The following TRIM24 variants were observed in gnomAD, a reference collection of about 807,000 sequenced individuals.
TRIM24 encodes transcription intermediary factor 1-alpha.
TRIM24 carries 29 observed loss-of-function variants against 123.9 expected under a neutral mutation model. That is an observed-to-expected ratio of 0.23 (90% CI 0.17 to 0.32). The LOEUF (loss-of-function observed/expected upper bound fraction) is 0.32. Among genes scored for constraint, TRIM24 ranks in the 10% least tolerant of loss-of-function variants. TRIM24 has a pLI of 1.00. For synonymous variants in TRIM24, 456 were observed against 461.1 expected (o/e 0.99, Z 0.14); for missense variants, 932 against 1,295.3 (o/e 0.72, Z 4.31).
chr7:138,533,789 G>A (rs781197871), intron 6 of TRIM24, among the ~76,000 whole-genome samples: 3 of 152,166 alleles, frequency 2.0e-5, no homozygotes. Context: ...CAGAAGGAAT[G>A]GTACCAGCTC....
At chr7:138,528,622 C>A (rs1796661661) in intron 5 of TRIM24, among the ~76,000 whole-genome samples, 1 of 151,876 alleles carries the variant, frequency 6.6e-6, no homozygotes, top group Non-Finnish European at 1.5e-5. Context: ...TAGCAAACTA[C>A]TATTTTTGTC....
intron 6 of TRIM24, among the ~76,000 whole-genome samples, chr7:138,532,451 A>G (rs1376004831): frequency 1.3e-5 from 2 of 152,182 alleles, no homozygotes; most frequent in African/African-American, 2.4e-5. Context: ...CAGTTTTCCC[A>G]GCACCATTTA....
intron 1 of TRIM24, among the ~76,000 whole-genome samples, chr7:138,497,389 A>ATTTTTT (rs1795933184): frequency 3.2e-5 from 4 of 123,846 alleles, no homozygotes; most frequent in African/African-American, 1.3e-4. Context: ...TTCAATTACA[A>ATTTTTT]TTTCTTTTTT....
intron 7 of TRIM24, among the ~76,000 whole-genome samples, chr7:138,540,053 G>A (rs998800821): frequency 2.6e-5 from 4 of 152,068 alleles, no homozygotes; most frequent in Admixed American, 6.5e-5. Context: ...ACCCGCCTTC[G>A]CCTCCCAAAG....
intron 6 of TRIM24, among the ~76,000 whole-genome samples, chr7:138,537,172 C>T (rs1034388144): frequency 7.2e-5 from 11 of 152,234 alleles, no homozygotes; most frequent in Non-Finnish European, 7.4e-5. Flanking sequence ...CCGGGTGAGG[C>T]GATACCTTGC....
intron 1 of TRIM24, among the ~76,000 whole-genome samples, chr7:138,486,762 A>G (rs1056900920): frequency 2.6e-5 from 4 of 152,192 alleles, no homozygotes; most frequent in Non-Finnish European, 5.9e-5. Flanking sequence ...CTTTGAAGTC[A>G]GGTAGCATGA....
At chr7:138,570,290 C>A (rs1202996239) in intron 10 of TRIM24, among the ~76,000 whole-genome samples, 2 of 152,102 alleles carry the variant, frequency 1.3e-5, no homozygotes, top group Non-Finnish European at 2.9e-5. Flanking sequence ...CAGACAGCAG[C>A]ATGCTTCACC....
At position 138,588,852 on chromosome 7, in the gene TRIM24, A is replaced by ACCCGCCACC. The variant is rs1798060444; in HGVS notation, c.*3901_*3902insCCCGCCACC. 3 of 151,640 alleles carry ACCCGCCACC rather than the reference A, an allele frequency of 2.0e-5. No homozygotes were observed. Among genetic ancestry groups the ACCCGCCACC allele is most frequent in the African/African-American group, 7.3e-5 (3 of 41,192 alleles). The allele number at this position is 151,640 out of a possible 1,614,324, so 9.4% of individuals were successfully genotyped here. A position where few individuals can be genotyped will look rare whatever the true frequency, so the allele number is the denominator to read the frequency against. ...AAACCCCACCTCAACAGAATATACA[A>ACCCGCCACC]AAAAATTAGCTGGGTGTGGTGGCGG... On this transcript the variant is annotated 3_prime_UTR_variant, in exon 19 of 19. Transcript: ENST00000343526.
intron 6 of TRIM24, among the ~76,000 whole-genome samples, chr7:138,534,160 C>A (rs1017074221): frequency 6.6e-6 from 1 of 152,110 alleles, no homozygotes; most frequent in Non-Finnish European, 1.5e-5. Context: ...TTCAAAAAAA[C>A]CAGCTCCTGG....
intron 1 of TRIM24, among the ~76,000 whole-genome samples, chr7:138,498,007 T>A (rs951601334): frequency 6.6e-6 from 1 of 151,128 alleles, no homozygotes; most frequent in Non-Finnish European, 1.5e-5. Context: ...GTGGTTTTTT[T>A]ATTTTTATTT....
chr7:138,510,961 CTATT>C (rs1229390241), intron 2 of TRIM24, among the ~76,000 whole-genome samples: 3 of 152,324 alleles, frequency 2.0e-5, no homozygotes, highest in East Asian at 3.9e-4. Flanking sequence ...TCATAGGTAA[CTATT>C]TAATGTCCTT....
At chr7:138,509,969 G>C (rs1796251518) in intron 2 of TRIM24, among the ~76,000 whole-genome samples, 1 of 152,194 alleles carries the variant, frequency 6.6e-6, no homozygotes, top group South Asian at 2.1e-4. Flanking sequence ...TCAGGCTTCT[G>C]ACGGGCAGAA....
At chr7:138,475,500 A>G (rs950968363) in intron 1 of TRIM24, among the ~76,000 whole-genome samples, 1 of 152,158 alleles carries the variant, frequency 6.6e-6, no homozygotes, top group South Asian at 2.1e-4. Flanking sequence ...AACATAGCAA[A>G]ATCCAACTCT....
chr7:138,565,122 C>T (rs967549106), intron 9 of TRIM24, among the ~76,000 whole-genome samples: 15 of 152,100 alleles, frequency 9.9e-5, no homozygotes, highest in Non-Finnish European at 1.6e-4. Flanking sequence ...ACTGCGGCCC[C>T]CACACATCAC....
intron 15 of TRIM24, 102 bp downstream of exon 15, chr7:138,579,634 C>A: frequency 1.1e-6 from 1 of 906,006 alleles, no homozygotes; most frequent in Non-Finnish European, 1.7e-6. Flanking sequence ...CCACTTGGCA[C>A]AAGTGTATAC....
chr7:138,500,162 CTG>C (rs1796004923), intron 1 of TRIM24, among the ~76,000 whole-genome samples: 1 of 152,098 alleles, frequency 6.6e-6, no homozygotes, highest in African/African-American at 2.4e-5. Context: ...AACATAAGCC[CTG>C]CATTATGCTT....
chr7:138,471,896 A>G (rs953707519), intron 1 of TRIM24, among the ~76,000 whole-genome samples: 4 of 152,186 alleles, frequency 2.6e-5, no homozygotes, highest in African/African-American at 9.6e-5. Flanking sequence ...AATCCTGACT[A>G]CCAGAAGATC....
chr7:138,557,969 T>C (rs1797350134), intron 9 of TRIM24, among the ~76,000 whole-genome samples: 1 of 152,236 alleles, frequency 6.6e-6, no homozygotes, highest in African/African-American at 2.4e-5. Flanking sequence ...TCATCATCTT[T>C]CTAATTCCTA....
At chr7:138,523,945 A>C (rs1182269725) in intron 4 of TRIM24, among the ~76,000 whole-genome samples, 1 of 152,146 alleles carries the variant, frequency 6.6e-6, no homozygotes, top group African/African-American at 2.4e-5. Context: ...ACGGAAAATA[A>C]GTAGGAAACA....
Sources: allele counts gnomAD v4.1 joint callset (sites outside exome capture counted in the v4.1 genomes callset), GRCh38; gene constraint gnomAD v4.1.1; transcripts MANE v1.5; gene names NCBI Gene and HGNC (gene_info 2026-07-23, HGNC 2026-07-21).